KIF1A: variants seen among roughly 807,000 people sequenced by gnomAD.
KIF1A encodes kinesin family member 1A.
KIF1A carries 46 observed loss-of-function variants against 227.3 expected under a neutral mutation model. The observed-to-expected ratio is 0.20, with a 90% CI of 0.16 to 0.26. The LOEUF is 0.26. Among genes scored for constraint, KIF1A ranks in the 10% least tolerant of loss-of-function variants. The pLI is 1.00. For missense variants in KIF1A, 1,683 were observed against 2,485.9 expected (o/e 0.68, Z 6.87); for synonymous variants, 1,022 against 1,012.8 (o/e 1.01, Z -0.17).
chr2:240,809,305 A>G (rs2057680426), intron 1 of KIF1A, among the ~76,000 whole-genome samples: 1 of 152,234 alleles, frequency 6.6e-6, no homozygotes, highest in Non-Finnish European at 1.5e-5. Context: ...AAAAAAGACC[A>G]GAGGGCAGAG....
At chr2:240,717,543 G>A in intron 48 of KIF1A, 137 bp from the exon 49 acceptor site, 1 of 747,900 alleles carries the variant, frequency 1.3e-6, no homozygotes, top group South Asian at 1.7e-5. Context: ...CACCACCTGG[G>A]GAAGGGACTG....
chr2:240,786,853 G>A (rs1026453944), intron 5 of KIF1A, among the ~76,000 whole-genome samples: 1 of 64,336 alleles, frequency 1.6e-5, no homozygotes, highest in African/African-American at 6.2e-5. Flanking sequence ...TGAGCAGAGG[G>A]CTCCCAGTCT....
At chr2:240,796,907 C>A (rs2056462553) in intron 2 of KIF1A, among the ~76,000 whole-genome samples, 1 of 152,200 alleles carries the variant, frequency 6.6e-6, no homozygotes, top group Non-Finnish European at 1.5e-5. Flanking sequence ...GGGACGCCCC[C>A]CTCCCCACCT....
intron 1 of KIF1A, among the ~76,000 whole-genome samples, chr2:240,811,084 G>A (rs759406069): frequency 1.3e-5 from 2 of 152,182 alleles, no homozygotes; most frequent in Non-Finnish European, 2.9e-5. Flanking sequence ...ACTATTGGCC[G>A]CGTGCAGTGG....
intron 2 of KIF1A, among the ~76,000 whole-genome samples, chr2:240,796,008 G>A (rs2056353299): frequency 6.6e-6 from 1 of 152,218 alleles, no homozygotes; most frequent in African/African-American, 2.4e-5. Flanking sequence ...CCGGCACCCA[G>A]TGGGGGATGG....
intron 40 of KIF1A, 103 bp from the exon 41 acceptor site, chr2:240,724,139 C>T: frequency 2.0e-6 from 2 of 1,016,692 alleles, no homozygotes; most frequent in South Asian, 2.6e-5. Flanking sequence ...GCACAGTCAG[C>T]CTGGCTGGGG....
At chr2:240,767,430 C>T in intron 17 of KIF1A, 85 bp from the exon 18 acceptor site, 4 of 1,112,660 alleles carry the variant, frequency 3.6e-6, no homozygotes, top group Non-Finnish European at 5.4e-6. Context: ...TCTCTCCAGG[C>T]ACCAGACTAC....
rs67736580 is a variant in KIF1A at position 240,766,722 on chromosome 2, ATCTC to A, written c.1684+189_1684+192del. Among the ~76,000 whole-genome samples, 791 of 122,584 alleles carry A rather than the reference ATCTC, an allele frequency of 6.5e-3. 12 individuals carry two copies. Among genetic ancestry groups the A allele is most frequent in the Middle Eastern group, 0.023 (5 of 216 alleles). The allele number at this position is 122,584 out of a possible 152,430, so 80.4% of individuals were successfully genotyped here. A position where few individuals can be genotyped will look rare whatever the true frequency, so the allele number is the denominator to read the frequency against. The stretch of plus-strand genomic sequence containing the variant: ...CCCAAATATCTCTCTCTCTCTCCAA[ATCTC>A]TCTCTCTCTCTCTCTCTCTCTCTCA... On this transcript the variant is annotated intron_variant, in intron 19 of 48. Coordinates refer to ENST00000498729, the MANE Select transcript of KIF1A (RefSeq NM_001244008.2). The surrounding 1 kb of genome is among the most constrained non-coding windows in gnomAD (Gnocchi z 5.0).
chr2:240,718,712 G>GC (rs1205990219), intron 47 of KIF1A, among the ~76,000 whole-genome samples: 1 of 152,250 alleles, frequency 6.6e-6, no homozygotes, highest in African/African-American at 2.4e-5. Flanking sequence ...GACTCCGGAG[G>GC]AGGGGACATG....
At chr2:240,813,473 G>A (rs1398971945) in intron 1 of KIF1A, among the ~76,000 whole-genome samples, 2 of 152,198 alleles carry the variant, frequency 1.3e-5, no homozygotes, top group African/African-American at 4.8e-5. Flanking sequence ...CGCACCCCCA[G>A]CCCCGCCATC....
intron 10 of KIF1A, among the ~76,000 whole-genome samples, chr2:240,780,812 ACACACACACACACAGCTC>A (rs1452794888): frequency 3.1e-5 from 3 of 98,282 alleles, no homozygotes; most frequent in Non-Finnish European, 3.8e-5. Flanking sequence ...ACACACACAC[ACACACACACACACAGCTC>A]CACACACACA....
Position 240,793,422 on chromosome 2 carries a change from C to G in KIF1A, c.107-4110G>C, listed in dbSNP as rs1314310341. On this transcript the variant is annotated intron_variant, in intron 2 of 48. Coordinates refer to ENST00000498729, the MANE Select transcript of KIF1A (RefSeq NM_001244008.2). The surrounding 1 kb of genome is among the most constrained non-coding windows in gnomAD (Gnocchi z 4.8). Reference sequence around the variant, plus strand: ...GTCATGAGCACAGCCAGGCCCCTCACTCCAGGAACTCACTTCAGGGGCCGC... The same window carrying G: ...GTCATGAGCACAGCCAGGCCCCTCAGTCCAGGAACTCACTTCAGGGGCCGC... Among the ~76,000 whole-genome samples the G allele has an allele frequency of 6.6e-6, 1 of 152,250 alleles. No individual in the cohort carries two copies. The highest frequency in any genetic ancestry group is 2.4e-5 in the African/African-American group (1 of 41,470).
intron 11 of KIF1A, among the ~76,000 whole-genome samples, chr2:240,774,808 A>C (rs2052535632): frequency 1.3e-5 from 2 of 151,906 alleles, no homozygotes; most frequent in Admixed American, 1.3e-4. Context: ...ATCACCACTG[A>C]CTCCACGCCA....
At chr2:240,780,802 A>ACAGCTC (rs2053605204) in intron 10 of KIF1A, among the ~76,000 whole-genome samples, 1 of 52,880 alleles carries the variant, frequency 1.9e-5, no homozygotes, top group Non-Finnish European at 3.7e-5. Context: ...ACAGCTCCAC[A>ACAGCTC]CACACACACA....
chr2:240,807,078 ATG>A (rs67918205), intron 1 of KIF1A, among the ~76,000 whole-genome samples: 8,989 of 94,180 alleles, frequency 0.095, 405 homozygotes, highest in South Asian at 0.12. Flanking sequence ...CCTCATATAT[ATG>A]TGTGTGTGTG....
intron 23 of KIF1A, 106 bp from the exon 24 acceptor site, chr2:240,761,483 T>A: frequency 9.4e-7 from 1 of 1,068,994 alleles, no homozygotes; most frequent in Non-Finnish European, 1.3e-6. Flanking sequence ...TGGGGCTGCC[T>A]AAGCTGACCC....
intron 1 of KIF1A, among the ~76,000 whole-genome samples, chr2:240,806,865 A>G (rs898501767): frequency 1.3e-5 from 2 of 152,186 alleles, no homozygotes; most frequent in African/African-American, 2.4e-5. Context: ...GAGTTCCACC[A>G]TACATTTGTT....
At chr2:240,773,388 A>T (rs2052277611) in intron 12 of KIF1A, 132 bp from the exon 13 acceptor site, 2 of 1,107,462 alleles carry the variant, frequency 1.8e-6, no homozygotes, top group Non-Finnish European at 2.6e-6. Context: ...GACCTGAGCC[A>T]GCACAGCCTG....
At chr2:240,720,775 C>G in intron 45 of KIF1A, 139 bp downstream of exon 45, 3 of 1,065,796 alleles carry the variant, frequency 2.8e-6, no homozygotes, top group East Asian at 5.4e-5. Flanking sequence ...CCTCCAGGCC[C>G]TTCCCTCAGC....
Sources: gnomAD v4.1 joint callset for allele counts (sites outside exome capture counted in the v4.1 genomes callset) on GRCh38, gnomAD v4.1.1 for gene constraint, Gnocchi (gnomAD v3.1) non-coding constraint, MANE v1.5 for transcripts, NCBI Gene and HGNC (gene_info 2026-07-23, HGNC 2026-07-21) for gene names.